Variants in ATG2B observed in about 807,000 individuals in gnomAD.
ATG2B encodes autophagy related 2B.
A neutral mutation model predicts 241.3 loss-of-function variants in ATG2B; 121 were observed. That is an observed-to-expected ratio of 0.50 (90% CI 0.43 to 0.58). ATG2B has a LOEUF of 0.58. Among genes scored for constraint, ATG2B ranks in the 20% least tolerant of loss-of-function variants. ATG2B has a pLI of 0.00. For synonymous variants in ATG2B, 858 were observed against 876.6 expected (o/e 0.98, Z 0.37); for missense variants, 2,306 against 2,491.6 (o/e 0.93, Z 1.59).
chr14:96,306,786 A>G lies in ATG2B; in HGVS notation c.4434T>C (p.Ser1478=). The G allele has an allele frequency of 3.1e-6, 5 of 1,614,120 alleles. No individual in the cohort carries two copies. Among genetic ancestry groups the G allele is most frequent in the Non-Finnish European group, 3.4e-6 (4 of 1,180,038 alleles). Residue 1478 remains serine, a synonymous_variant, in exon 30 of 42, where the codon AGT becomes AGC. Coordinates refer to ENST00000359933, the MANE Select transcript of ATG2B (RefSeq NM_018036.7). ...TYASFSHHFI[S]DAMTGVPTEN... is the part of the protein sequence containing the mutation. ...CAGTGGGCACACCTGTCATTGCATC[A>G]CTGATGAAATGGTGAGAGAATGAGG...
chr14:96,358,194 G>C (rs74489247), intron 1 of ATG2B, among the ~76,000 whole-genome samples: 3,168 of 152,318 alleles, frequency 0.021, 57 homozygotes, highest in Middle Eastern at 0.037. Context: ...CAGAAACTGG[G>C]GGGGGCTGAG....
chr14:96,326,030 T>A (rs909089534), intron 14 of ATG2B, 108 bp from the exon 15 acceptor site: 2 of 1,092,394 alleles, frequency 1.8e-6, no homozygotes, highest in Non-Finnish European at 2.5e-6. Flanking sequence ...CCATTTGGTA[T>A]AATGCATTAA....
chr14:96,294,937 G>A, intron 36 of ATG2B, 23 bp downstream of exon 36: 2 of 1,600,742 alleles, frequency 1.2e-6, no homozygotes, highest in East Asian at 2.2e-5. Context: ...AACTTCATTT[G>A]TTATTAAAAC....
intron 36 of ATG2B, 141 bp downstream of exon 36, chr14:96,294,815 CACAA>C: frequency 1.4e-6 from 1 of 703,634 alleles, no homozygotes; most frequent in Non-Finnish European, 2.3e-6. Context: ...AGATGGGGAC[CACAA>C]ACAGATAAAT....
intron 11 of ATG2B, 23 bp downstream of exon 11, chr14:96,331,353 T>C (rs1055362798): frequency 4.4e-6 from 7 of 1,587,672 alleles, no homozygotes; most frequent in Non-Finnish European, 6.0e-6. Context: ...TAAAGGATCA[T>C]TAATACATAT....
At position 96,317,453 on chromosome 14, in the gene ATG2B, T is replaced by C. The variant is rs550779023; in HGVS notation, c.3038-136A>G. On this transcript the variant is annotated intron_variant, in intron 19 of 41. Coordinates refer to ENST00000359933, the MANE Select transcript of ATG2B (RefSeq NM_018036.7). ...GTGAACACAGAAATACATACTGTTT[T>C]TCTCTTTAGCTTTGAACTTCAAACA... 7.1e-5 allele frequency: 58 copies of C among 817,496 alleles called. No individual in the cohort carries two copies. In the South Asian group the frequency reaches 1.1e-3, roughly 16 times the overall value. 50.6% of individuals were successfully genotyped at this position (817,496 alleles called of 1,614,324 possible). A position where few individuals can be genotyped will look rare whatever the true frequency, so the allele number is the denominator to read the frequency against.
chr14:96,292,989 A>T (rs930621075), intron 36 of ATG2B: 1 of 152,110 alleles, frequency 6.6e-6, no homozygotes, highest in Admixed American at 6.5e-5. Context: ...TTGTATTTTT[A>T]ATTTGTATTA....
chr14:96,332,989 T>C (rs1887780687), intron 8 of ATG2B, among the ~76,000 whole-genome samples: 1 of 152,180 alleles, frequency 6.6e-6, no homozygotes, highest in Non-Finnish European at 1.5e-5. Flanking sequence ...AGTATAAATA[T>C]ATTGCAACCT....
intron 5 of ATG2B, among the ~76,000 whole-genome samples, chr14:96,342,410 TGTG>T (rs1023638788): frequency 6.6e-6 from 1 of 152,094 alleles, no homozygotes; most frequent in Non-Finnish European, 1.5e-5. Context: ...CTTCAGGCTA[TGTG>T]TATAAGGCAT....
chr14:96,327,885 C>T (rs777105918), intron 14 of ATG2B, among the ~76,000 whole-genome samples: 1 of 152,106 alleles, frequency 6.6e-6, no homozygotes, highest in Non-Finnish European at 1.5e-5. Context: ...TGCAGTGATG[C>T]GATCTAACTG....
At chr14:96,324,166 T>C in intron 15 of ATG2B, 168 bp from the exon 16 acceptor site, 1 of 567,606 alleles carries the variant, frequency 1.8e-6, no homozygotes, top group South Asian at 2.3e-5. Context: ...AATGAGCCAA[T>C]AAATTAAAGA....
At chr14:96,362,696 A>T (rs1452019401) in intron 1 of ATG2B, 119 bp downstream of exon 1, 1 of 991,116 alleles carries the variant, frequency 1.0e-6, no homozygotes, top group Non-Finnish European at 1.5e-6. Context: ...GCCGTGTCAC[A>T]CTCGGGTCCA....
chr14:96,296,006 T>G (rs548237737), intron 34 of ATG2B, among the ~76,000 whole-genome samples: 140 of 152,112 alleles, frequency 9.2e-4, no homozygotes, highest in African/African-American at 3.3e-3. Context: ...CAGGCTGGAG[T>G]GCAGTGGCAC....
chr14:96,306,192 T>A (rs1056493610), intron 30 of ATG2B, among the ~76,000 whole-genome samples: 7 of 152,284 alleles, frequency 4.6e-5, no homozygotes, highest in African/African-American at 1.7e-4. Context: ...TAATAATAGG[T>A]TTATCCTGAG....
At position 96,347,186 on chromosome 14, in the gene ATG2B, A is replaced by G; in HGVS notation, c.318T>C (p.Pro106=). 6.3e-7 allele frequency: 1 copy of G among 1,580,254 alleles called. No individual in the cohort carries two copies. The highest frequency in any genetic ancestry group is 8.7e-7 in the Non-Finnish European group (1 of 1,153,974). The part of the protein sequence containing the change: ...RGLEMVFRPR[P]RPATGSEPMY... ...AACATACAACACACCAACCTGGGCG[A>G]GGTCTAGGCCGGAAGACCATTTCTA... Residue 106 remains proline (P), a synonymous_variant, in exon 2 of 42, where the codon CCT becomes CCC. Transcript: ENST00000359933.
intron 18 of ATG2B, among the ~76,000 whole-genome samples, chr14:96,319,182 T>C (rs1257462803): frequency 6.6e-6 from 1 of 152,204 alleles, no homozygotes; most frequent in Non-Finnish European, 1.5e-5. Context: ...GGACTGAGGA[T>C]TGTGACTCTC....
chr14:96,347,634 G>C (rs1888204990), intron 1 of ATG2B, among the ~76,000 whole-genome samples: 1 of 151,984 alleles, frequency 6.6e-6, no homozygotes, highest in African/African-American at 2.4e-5. Context: ...CAACTCTACA[G>C]GAAAAAAATC....
Position 96,322,692 on chromosome 14 carries a change from C to G in ATG2B, c.2584G>C (p.Glu862Gln), listed in dbSNP as rs2139870842. ...TCTTCTTCTTCAGCTGCAATTCTCT[C>G]CAAAATGGAATGCATGGCTGGTGGA... is the stretch of plus-strand genomic sequence containing the variant. ...INPPAMHSIL[E>Q]RIAAEEEEEN... The change falls in exon 17 of 42, where the codon GAG becomes CAG. Residue 862 changes from glutamate to glutamine, a missense_variant. Physicochemically the swap from Glu to Gln is conservative, Grantham distance 29. Coordinates refer to ENST00000359933, the MANE Select transcript of ATG2B (RefSeq NM_018036.7). The G allele has an allele frequency of 1.2e-6, 2 of 1,613,592 alleles. No homozygotes were observed. Among genetic ancestry groups the G allele is most frequent in the East Asian group, 4.5e-5 (2 of 44,842 alleles).
At chr14:96,352,571 GT>G (rs1371935857) in intron 1 of ATG2B, among the ~76,000 whole-genome samples, 1 of 151,212 alleles carries the variant, frequency 6.6e-6, no homozygotes, top group East Asian at 1.9e-4. Context: ...GGCCTAGGCT[GT>G]GTTTTTTTGC....
Sources: gnomAD v4.1 joint callset for allele counts (sites outside exome capture counted in the v4.1 genomes callset) on GRCh38, gnomAD v4.1.1 for gene constraint, MANE v1.5 for transcripts, NCBI Gene and HGNC (gene_info 2026-07-23, HGNC 2026-07-21) for gene names.